The following ANKMY2 variants were observed in gnomAD, a reference collection of about 807,000 sequenced individuals.
ANKMY2 encodes ankyrin repeat and MYND domain containing 2.
ANKMY2 carries 36 observed loss-of-function variants against 50.4 expected under a neutral mutation model. The ratio of observed to expected loss-of-function variants is 0.71; its 90% CI spans 0.55 to 0.94. The LOEUF (loss-of-function observed/expected upper bound fraction) is 0.94, where lower values mean the gene tolerates loss of function less well. Among genes scored for constraint, ANKMY2 ranks in the 40% least tolerant of loss-of-function variants. The pLI is 0.00. For synonymous variants in ANKMY2, 187 were observed against 178.8 expected (o/e 1.05, Z -0.36); for missense variants, 565 against 524.0 (o/e 1.08, Z -0.76).
intron 1 of ANKMY2, among the ~76,000 whole-genome samples, chr7:16,638,529 C>T (rs1452038043): frequency 3.3e-5 from 5 of 152,354 alleles, no homozygotes; most frequent in Admixed American, 3.3e-4. Flanking sequence ...CTTCCAAGAA[C>T]TTCCACGAGT....
intron 4 of ANKMY2, among the ~76,000 whole-genome samples, chr7:16,617,116 C>G (rs1781366687): frequency 6.6e-6 from 1 of 151,840 alleles, no homozygotes; most frequent in Non-Finnish European, 1.5e-5. Context: ...TTTATTGAAG[C>G]TCGATGTAGA....
At chr7:16,622,928 G>A (rs540368531) in intron 4 of ANKMY2, among the ~76,000 whole-genome samples, 11 of 152,234 alleles carry the variant, frequency 7.2e-5, no homozygotes, top group African/African-American at 2.2e-4. Flanking sequence ...TACATTATTT[G>A]TAGAAAAGTG....
At chr7:16,612,844 G>T (rs1390029219) in intron 5 of ANKMY2, among the ~76,000 whole-genome samples, 2 of 152,096 alleles carry the variant, frequency 1.3e-5, no homozygotes, top group African/African-American at 4.8e-5. Flanking sequence ...TATTATAAAG[G>T]AAATCCTTTT....
intron 2 of ANKMY2, among the ~76,000 whole-genome samples, chr7:16,633,193 T>C (rs1781612058): frequency 6.6e-6 from 1 of 152,100 alleles, no homozygotes; most frequent in South Asian, 2.1e-4. Flanking sequence ...TCCCATTTTG[T>C]AGACTGTCTT....
chr7:16,631,690 C>A (rs1781588126), intron 2 of ANKMY2, among the ~76,000 whole-genome samples: 1 of 151,648 alleles, frequency 6.6e-6, no homozygotes, highest in African/African-American at 2.4e-5. Context: ...TCTCAGCTCA[C>A]TGCAACTTCC....
At chr7:16,644,798 G>T in intron 1 of ANKMY2, 1 of 458,808 alleles carries the variant, frequency 2.2e-6, no homozygotes. Context: ...TCAGCACTGC[G>T]GAAGTGGGGC....
chr7:16,625,703 T>G (rs1781498049), intron 3 of ANKMY2, among the ~76,000 whole-genome samples: 1 of 152,200 alleles, frequency 6.6e-6, no homozygotes. Context: ...TCAAAGATTA[T>G]GCATATTTTA....
chr7:16,613,529 T>C (rs1370462996), intron 5 of ANKMY2, among the ~76,000 whole-genome samples: 1 of 152,180 alleles, frequency 6.6e-6, no homozygotes, highest in African/African-American at 2.4e-5. Flanking sequence ...AGGTATATAA[T>C]AGGATAGCCC....
intron 4 of ANKMY2, among the ~76,000 whole-genome samples, chr7:16,618,403 A>G (rs73078986): frequency 0.22 from 33,081 of 152,142 alleles, 4,205 homozygotes; most frequent in Middle Eastern, 0.3. Flanking sequence ...AGGAAATCTA[A>G]TAGTGAAAAT....
At chr7:16,617,960 C>T (rs929205915) in intron 4 of ANKMY2, among the ~76,000 whole-genome samples, 2 of 132,704 alleles carry the variant, frequency 1.5e-5, no homozygotes, top group East Asian at 4.8e-4. Flanking sequence ...CAGAGTCTGG[C>T]TCTGTTGCCC....
rs1356443830 is a variant in ANKMY2, at chr7:16,609,724, T to C, written c.788A>G (p.Gln263Arg). The C allele has an allele frequency of 6.2e-7, 1 of 1,611,422 alleles. No homozygotes were observed. Among genetic ancestry groups the C allele is most frequent in the Admixed American group, 1.7e-5 (1 of 59,382 alleles). The change falls in exon 7 of 10, where the codon CAA becomes CGA. Residue 263 changes from glutamine to arginine, a missense_variant. Gln to Arg is a conservative substitution (Grantham distance 43). Coordinates refer to ENST00000306999, the MANE Select transcript of ANKMY2 (RefSeq NM_020319.3). ...GATACTTTCTCTAATGATCTTTTCTTGATACACTGGAAAGCCATCAGAAGC... is the reference window on the plus strand; with the variant it reads ...GATACTTTCTCTAATGATCTTTTCTCGATACACTGGAAAGCCATCAGAAGC... ...GRASDGFPVY[Q>R]EKIIRESIRK...
At chr7:16,627,412 G>A (rs1781521622) in intron 2 of ANKMY2, among the ~76,000 whole-genome samples, 1 of 152,126 alleles carries the variant, frequency 6.6e-6, no homozygotes, top group South Asian at 2.1e-4. Flanking sequence ...GAGAGGACTT[G>A]CTCAACCTCA....
At chr7:16,635,131 T>C (rs1004394696) in intron 2 of ANKMY2, among the ~76,000 whole-genome samples, 5 of 152,090 alleles carry the variant, frequency 3.3e-5, no homozygotes, top group South Asian at 2.1e-4. Context: ...AGCTGATGAA[T>C]GGATAAAAAG....
At position 16,602,580 on chromosome 7, in the gene ANKMY2, C is replaced by T; in HGVS notation, c.1012-71G>A. The T allele has an allele frequency of 2.0e-6, 3 of 1,520,970 alleles. No homozygotes were observed. The South Asian group carries it at 3.8e-5, about 19-fold the overall frequency. The allele number at this position is 1,520,970 out of a possible 1,614,324, so 94.2% of individuals were successfully genotyped here. A position where few individuals can be genotyped will look rare whatever the true frequency, so the allele number is the denominator to read the frequency against. On this transcript the variant is annotated intron_variant, in intron 8 of 9. Coordinates refer to ENST00000306999, the MANE Select transcript of ANKMY2 (RefSeq NM_020319.3). ...TATGATTTCCTAACTATGACTAAAC[C>T]AAGAACTAAGCTATAAAAATGTCAT... is the stretch of plus-strand genomic sequence containing the variant.
intron 2 of ANKMY2, among the ~76,000 whole-genome samples, chr7:16,635,517 C>T (rs974601891): frequency 6.6e-6 from 1 of 152,026 alleles, no homozygotes; most frequent in African/African-American, 2.4e-5. Flanking sequence ...ATTAATTATA[C>T]CTCAATAAAG....
chr7:16,604,676 C>T (rs1309908776), intron 8 of ANKMY2, 45 bp downstream of exon 8: 1 of 1,594,430 alleles, frequency 6.3e-7, no homozygotes, highest in African/African-American at 1.3e-5. Context: ...AGCTTGGCTG[C>T]ATCTAAACCA....
chr7:16,605,191 AG>A (rs2128341831), intron 7 of ANKMY2, among the ~76,000 whole-genome samples: 1 of 152,338 alleles, frequency 6.6e-6, no homozygotes, highest in Admixed American at 6.5e-5. Flanking sequence ...TTTTTTTCTG[AG>A]AACTGACATC....
intron 2 of ANKMY2, among the ~76,000 whole-genome samples, chr7:16,627,449 G>T (rs1414856088): frequency 6.6e-6 from 1 of 152,132 alleles, no homozygotes; most frequent in Non-Finnish European, 1.5e-5. Flanking sequence ...TGGGGGCAGG[G>T]ATTGAAACCC....
chr7:16,638,782 G>C (rs1209426989), intron 1 of ANKMY2, among the ~76,000 whole-genome samples: 2 of 152,046 alleles, frequency 1.3e-5, no homozygotes, highest in Non-Finnish European at 2.9e-5. Context: ...TAACGCCCAG[G>C]AAATTCCAAG....
Sources: allele counts gnomAD v4.1 joint callset (sites outside exome capture counted in the v4.1 genomes callset), GRCh38; gene constraint gnomAD v4.1.1; transcripts MANE v1.5; gene names NCBI Gene and HGNC (gene_info 2026-07-23, HGNC 2026-07-21).